The following SLIT3 variants were observed in gnomAD, a reference collection of about 807,000 sequenced individuals.
SLIT3 encodes slit homolog 3 protein.
Under a neutral mutation model 184.0 loss-of-function variants are expected in SLIT3, and 68 were observed. The ratio of observed to expected loss-of-function variants is 0.37; its 90% CI spans 0.30 to 0.45. The LOEUF (loss-of-function observed/expected upper bound fraction) is 0.45, where lower values mean the gene tolerates loss of function less well. Among genes scored for constraint, SLIT3 ranks in the 20% least tolerant of loss-of-function variants. The pLI is 1.00. For synonymous variants in SLIT3, 831 were observed against 828.6 expected, an observed-to-expected ratio of 1.00 and a Z score of -0.05; for missense variants, 1,707 against 2,026.0, an observed-to-expected ratio of 0.84 and a Z score of 3.02.
At chr5:168,673,057 G>T (rs1335842308) in intron 33 of SLIT3, 120 bp downstream of exon 33, 3 of 901,436 alleles carry the variant, frequency 3.3e-6, no homozygotes, top group African/African-American at 3.3e-5. Context: ...TTAGAGATCA[G>T]CTTCGTTGTC....
intron 4 of SLIT3, among the ~76,000 whole-genome samples, chr5:169,067,653 G>T (rs1443083843): frequency 1.3e-5 from 2 of 152,170 alleles, no homozygotes; most frequent in African/African-American, 4.8e-5. Context: ...GTGACCTAAA[G>T]ATACTTGGGG....
intron 4 of SLIT3, among the ~76,000 whole-genome samples, chr5:168,885,277 A>G (rs530335911): frequency 1.3e-5 from 2 of 152,158 alleles, no homozygotes; most frequent in South Asian, 4.2e-4. Flanking sequence ...CCTATCTCAA[A>G]TCCAGTTTCC....
At chr5:169,024,226 C>T (rs1032377888) in intron 4 of SLIT3, 11 of 152,154 alleles carry the variant, frequency 7.2e-5, no homozygotes, top group African/African-American at 2.2e-4. Flanking sequence ...CAGTCCACCC[C>T]GGGAGGAAGC....
At chr5:169,077,825 C>A (rs1238528257) in intron 4 of SLIT3, among the ~76,000 whole-genome samples, 1 of 148,436 alleles carries the variant, frequency 6.7e-6, no homozygotes, top group African/African-American at 2.5e-5. Context: ...GAATAAATGT[C>A]CACAACTTCT....
intron 4 of SLIT3, among the ~76,000 whole-genome samples, chr5:169,122,932 G>C (rs1299369808): frequency 1.3e-5 from 2 of 152,044 alleles, no homozygotes; most frequent in Non-Finnish European, 2.9e-5. Context: ...TAAAATCTAG[G>C]CCTGAGTAAA....
chr5:168,797,617 G>A (rs1756613566), intron 9 of SLIT3, among the ~76,000 whole-genome samples: 1 of 152,210 alleles, frequency 6.6e-6, no homozygotes, highest in Admixed American at 6.5e-5. Context: ...GCCCCAAGGA[G>A]TCTGAGAATC....
chr5:169,238,470 A>G (rs1350958879), intron 3 of SLIT3, among the ~76,000 whole-genome samples: 6 of 151,068 alleles, frequency 4.0e-5, no homozygotes, highest in Non-Finnish European at 8.8e-5. Context: ...GGCTTCAATC[A>G]GAATCCTTTT....
chr5:169,020,896 C>G (rs1484142368), intron 4 of SLIT3, among the ~76,000 whole-genome samples: 12 of 152,208 alleles, frequency 7.9e-5, no homozygotes. Flanking sequence ...CTGCCACACA[C>G]AGTGCTAGAG....
At chr5:169,159,681 C>A in intron 4 of SLIT3, among the ~76,000 whole-genome samples, 1 of 152,056 alleles carries the variant, frequency 6.6e-6, no homozygotes, top group Non-Finnish European at 1.5e-5. Flanking sequence ...GAGGCTGAGG[C>A]AGAAGAATGG....
At chr5:168,900,900 A>C (rs1453644287) in intron 4 of SLIT3, among the ~76,000 whole-genome samples, 1 of 152,220 alleles carries the variant, frequency 6.6e-6, no homozygotes, top group East Asian at 1.9e-4. Context: ...AGTGGAAGCT[A>C]AACAATGTGT....
intron 4 of SLIT3, among the ~76,000 whole-genome samples, chr5:169,051,877 C>T (rs539701483): frequency 2.9e-4 from 44 of 152,226 alleles, no homozygotes; most frequent in African/African-American, 7.2e-4. Context: ...CTAGCACTGT[C>T]GGCTCTCATC....
chr5:168,680,448 C>T (rs1005185932), intron 32 of SLIT3, among the ~76,000 whole-genome samples: 6 of 152,248 alleles, frequency 3.9e-5, no homozygotes, highest in Non-Finnish European at 7.3e-5. Flanking sequence ...CTGCAGGTCC[C>T]TGCTGGGAAC....
At chr5:168,772,569 A>AC (rs1561924332) in intron 14 of SLIT3, 23 of 541,434 alleles carry the variant, frequency 4.2e-5, no homozygotes, top group Non-Finnish European at 7.1e-5. Flanking sequence ...CCATGCTTTT[A>AC]TTGTGTGTGT....
chr5:169,072,605 C>G (rs1046800719), intron 4 of SLIT3, among the ~76,000 whole-genome samples: 5 of 152,214 alleles, frequency 3.3e-5, no homozygotes, highest in Non-Finnish European at 7.3e-5. Flanking sequence ...CCTGCCTGAA[C>G]ACATTTTATC....
intron 4 of SLIT3, among the ~76,000 whole-genome samples, chr5:169,107,578 C>A (rs1303603379): frequency 1.3e-5 from 2 of 152,168 alleles, no homozygotes; most frequent in Non-Finnish European, 2.9e-5. Flanking sequence ...GGAGGCATGG[C>A]GGGGCTTTTT....
chr5:168,846,162 G>A (rs748775557), intron 5 of SLIT3, among the ~76,000 whole-genome samples: 16 of 152,282 alleles, frequency 1.1e-4, no homozygotes, highest in Non-Finnish European at 2.2e-4. Flanking sequence ...ACTCTGTCAC[G>A]ATATTATGGA....
intron 4 of SLIT3, among the ~76,000 whole-genome samples, chr5:168,891,086 T>C (rs918844959): frequency 3.3e-5 from 5 of 152,244 alleles, no homozygotes; most frequent in Non-Finnish European, 5.9e-5. Context: ...TAAACTCTTA[T>C]GCAGTATATA....
intron 4 of SLIT3, among the ~76,000 whole-genome samples, chr5:169,089,329 C>A (rs936953582): frequency 1.3e-5 from 2 of 152,088 alleles, no homozygotes; most frequent in African/African-American, 4.8e-5. Flanking sequence ...GTGTCTAAAG[C>A]CTGAGGTTCT....
chr5:169,103,226 T>C (rs1760083307), intron 4 of SLIT3, among the ~76,000 whole-genome samples: 1 of 152,150 alleles, frequency 6.6e-6, no homozygotes, highest in Admixed American at 6.5e-5. Flanking sequence ...AGCTCGGAAA[T>C]AGTGAAAACT....
Sources: allele counts gnomAD v4.1 joint callset (sites outside exome capture counted in the v4.1 genomes callset), GRCh38; gene constraint gnomAD v4.1.1; transcripts MANE v1.5; gene names NCBI Gene and HGNC (gene_info 2026-07-23, HGNC 2026-07-21).